Variants in GPHN observed in about 807,000 individuals in gnomAD.
The protein encoded by GPHN is gephyrin.
Under a neutral mutation model 95.5 loss-of-function variants are expected in GPHN, and 17 were observed. The ratio of observed to expected loss-of-function variants is 0.18; its 90% CI spans 0.12 to 0.27. GPHN has a LOEUF of 0.27. Among genes scored for constraint, GPHN ranks in the 10% least tolerant of loss-of-function variants. The pLI is 1.00. For missense variants in GPHN, 660 were observed against 978.1 expected, an observed-to-expected ratio of 0.67 and a Z score of 4.34; for synonymous variants, 320 against 322.5, an observed-to-expected ratio of 0.99 and a Z score of 0.08.
At chr14:66,646,693 CAG>C (rs1347836811) in intron 1 of GPHN, among the ~76,000 whole-genome samples, 1 of 151,758 alleles carries the variant, frequency 6.6e-6, no homozygotes, top group Non-Finnish European at 1.5e-5. Context: ...TTCATAAAAA[CAG>C]AATGTAGAAT....
chr14:67,121,374 A>G (rs182466045), intron 16 of GPHN, among the ~76,000 whole-genome samples: 34 of 152,242 alleles, frequency 2.2e-4, no homozygotes, highest in Admixed American at 7.9e-4. Context: ...TGATCCTTTG[A>G]CGTCATATGT....
intron 1 of GPHN, among the ~76,000 whole-genome samples, chr14:66,572,790 T>C (rs1425474133): frequency 6.6e-6 from 1 of 152,218 alleles, no homozygotes; most frequent in African/African-American, 2.4e-5. Flanking sequence ...TTCCATTAAC[T>C]ACGTTGAATA....
chr14:66,514,200 T>G (rs1291031862), intron 1 of GPHN, among the ~76,000 whole-genome samples: 1 of 152,012 alleles, frequency 6.6e-6, no homozygotes, highest in Non-Finnish European at 1.5e-5. Flanking sequence ...ATAAGTAAAT[T>G]AGGCACAAAG....
chr14:66,973,297 C>T (rs2069946680), intron 9 of GPHN, among the ~76,000 whole-genome samples: 2 of 152,210 alleles, frequency 1.3e-5, no homozygotes, highest in Non-Finnish European at 2.9e-5. Context: ...ACCTACACCT[C>T]TCTGATTCCA....
the GPHN span, among the ~76,000 whole-genome samples, chr14:67,217,765 T>G: frequency 2.0e-5 from 3 of 152,178 alleles, no homozygotes; most frequent in Non-Finnish European, 4.4e-5. Context: ...CTTAAGATTA[T>G]TATTTTAAAT....
At chr14:67,486,603 C>T in the GPHN span, among the ~76,000 whole-genome samples, 1 of 152,178 alleles carries the variant, frequency 6.6e-6, no homozygotes, top group African/African-American at 2.4e-5. Context: ...GAGAGTTTCC[C>T]TGCACAAGCT....
At chr14:67,500,044 A>C in the GPHN span, among the ~76,000 whole-genome samples, 1 of 152,128 alleles carries the variant, frequency 6.6e-6, no homozygotes, top group Non-Finnish European at 1.5e-5. Context: ...TTTGCATCAA[A>C]AAAGTGAATA....
At chr14:67,541,750 T>C in the GPHN span, 3 of 914,900 alleles carry the variant, frequency 3.3e-6, no homozygotes, top group Non-Finnish European at 4.7e-6. Flanking sequence ...TTCTCTGTCC[T>C]TTGGTCCCCT....
intron 1 of GPHN, among the ~76,000 whole-genome samples, chr14:66,655,093 T>C (rs2065236745): frequency 6.6e-6 from 1 of 152,194 alleles, no homozygotes; most frequent in African/African-American, 2.4e-5. Flanking sequence ...GTTTTAGCTA[T>C]TATAATTCCT....
chr14:67,228,013 G>A, the GPHN span, among the ~76,000 whole-genome samples: 1 of 151,780 alleles, frequency 6.6e-6, no homozygotes, highest in Non-Finnish European at 1.5e-5. Flanking sequence ...CTACTAAAAA[G>A]ACAAAAATCA....
intron 9 of GPHN, among the ~76,000 whole-genome samples, chr14:66,979,681 C>T (rs570363490): frequency 1.1e-4 from 16 of 152,186 alleles, no homozygotes; most frequent in Non-Finnish European, 1.9e-4. Context: ...TGTTCACTGG[C>T]GTACCACTTT....
At chr14:67,192,736 G>A in the GPHN span, among the ~76,000 whole-genome samples, 3 of 148,672 alleles carry the variant, frequency 2.0e-5, no homozygotes, top group African/African-American at 4.9e-5. Context: ...AATGTTATGG[G>A]GATATATTAA....
chr14:66,569,973 C>G (rs897314584), intron 1 of GPHN, among the ~76,000 whole-genome samples: 1 of 152,084 alleles, frequency 6.6e-6, no homozygotes, highest in Non-Finnish European at 1.5e-5. Flanking sequence ...CCCTGAGAAC[C>G]ACTATTCTAT....
chr14:67,633,519 C>G, the GPHN span, among the ~76,000 whole-genome samples: 3 of 152,232 alleles, frequency 2.0e-5, no homozygotes, highest in Non-Finnish European at 2.9e-5. Flanking sequence ...CTGACCTTAT[C>G]ATCTTCTCCC....
chr14:67,381,541 T>A, the GPHN span: 1 of 1,438,176 alleles, frequency 7.0e-7, no homozygotes, highest in South Asian at 1.1e-5. Context: ...TCCTTTAAAC[T>A]TTTAAATATT....
intron 1 of GPHN, among the ~76,000 whole-genome samples, chr14:66,625,393 A>C (rs1172431090): frequency 6.6e-6 from 1 of 151,824 alleles, no homozygotes; most frequent in African/African-American, 2.4e-5. Flanking sequence ...ATTTTTGGAA[A>C]ATTTTCATAT....
the GPHN span, among the ~76,000 whole-genome samples, chr14:67,376,855 T>C: frequency 1.3e-5 from 2 of 152,192 alleles, no homozygotes; most frequent in Non-Finnish European, 2.9e-5. Flanking sequence ...AAAGAGCATG[T>C]CTCACCAAAA....
At chr14:67,510,385 C>T in the GPHN span, among the ~76,000 whole-genome samples, 1 of 152,280 alleles carries the variant, frequency 6.6e-6, no homozygotes, top group East Asian at 1.9e-4. Context: ...AGCTCACACA[C>T]AGACGAATCA....
intron 1 of GPHN, among the ~76,000 whole-genome samples, chr14:66,545,934 C>A (rs1480211314): frequency 1.4e-5 from 2 of 148,028 alleles, no homozygotes; most frequent in Non-Finnish European, 3.0e-5. Context: ...CCTTCCTGGA[C>A]GGGGTGGCTG....
Sources: gnomAD v4.1 joint callset for allele counts (sites outside exome capture counted in the v4.1 genomes callset) on GRCh38, gnomAD v4.1.1 for gene constraint, MANE v1.5 for transcripts, NCBI Gene and HGNC (gene_info 2026-07-23, HGNC 2026-07-21) for gene names.